RIMS1: variants seen among roughly 807,000 people sequenced by gnomAD.
RIMS1 encodes the protein regulating synaptic membrane exocytosis 1.
In RIMS1, 83 loss-of-function variants were observed where a neutral mutation model predicts 214.1. The ratio of observed to expected loss-of-function variants is 0.39; its 90% CI spans 0.32 to 0.47. The LOEUF is 0.47. Among genes scored for constraint, RIMS1 ranks in the 20% least tolerant of loss-of-function variants. The probability of loss-of-function intolerance (pLI) is 0.99; values close to 1 mark genes in which losing one functional copy is unlikely to be tolerated. For synonymous variants in RIMS1, 793 were observed against 786.8 expected, an observed-to-expected ratio of 1.01 and a Z score of -0.13; for missense variants, 2,050 against 2,161.8, an observed-to-expected ratio of 0.95 and a Z score of 1.03.
At chr6:72,206,499 A>C (rs186070411) in intron 6 of RIMS1, among the ~76,000 whole-genome samples, 92 of 152,088 alleles carry the variant, frequency 6.0e-4, no homozygotes, top group African/African-American at 2.1e-3. Context: ...TGTTTAAATG[A>C]TTTCATTTTT....
chr6:72,048,106 A>T (rs908962621), intron 2 of RIMS1, among the ~76,000 whole-genome samples: 1 of 152,200 alleles, frequency 6.6e-6, no homozygotes, highest in African/African-American at 2.4e-5. Flanking sequence ...GACAGAAGAT[A>T]AACAAAATGC....
chr6:72,067,309 T>G (rs1829557947), intron 2 of RIMS1, among the ~76,000 whole-genome samples: 3 of 152,252 alleles, frequency 2.0e-5, no homozygotes, highest in Admixed American at 6.5e-5. Flanking sequence ...ACGTTGCTCA[T>G]GCTGAGGCTG....
chr6:71,923,700 G>A (rs1029813050), intron 1 of RIMS1, among the ~76,000 whole-genome samples: 19 of 151,950 alleles, frequency 1.3e-4, no homozygotes, highest in Admixed American at 3.9e-4. Flanking sequence ...CCGAGTAGCT[G>A]GGATTACTCA....
intron 4 of RIMS1, among the ~76,000 whole-genome samples, chr6:72,167,455 A>G (rs931163217): frequency 6.6e-6 from 1 of 152,142 alleles, no homozygotes; most frequent in Admixed American, 6.5e-5. Context: ...AAGTGAGTTC[A>G]GAAGCGAATG....
chr6:72,008,262 C>T (rs1222010260), intron 2 of RIMS1, among the ~76,000 whole-genome samples: 7 of 152,176 alleles, frequency 4.6e-5, no homozygotes, highest in South Asian at 4.1e-4. Flanking sequence ...ACTTTACAGA[C>T]AAGCAAATGC....
chr6:72,046,973 T>C (rs2152116515), intron 2 of RIMS1, among the ~76,000 whole-genome samples: 1 of 152,234 alleles, frequency 6.6e-6, no homozygotes, highest in Non-Finnish European at 1.5e-5. Flanking sequence ...GTAAATAATA[T>C]TTATTAAATA....
chr6:72,045,169 CAG>C (rs1315227980), intron 2 of RIMS1, among the ~76,000 whole-genome samples: 1 of 151,748 alleles, frequency 6.6e-6, no homozygotes, highest in East Asian at 1.9e-4. Context: ...GGTCAGAAAA[CAG>C]TGACTCGGGG....
chr6:72,393,908 A>G (rs2098741285), intron 31 of RIMS1, among the ~76,000 whole-genome samples: 2 of 152,068 alleles, frequency 1.3e-5, no homozygotes, highest in South Asian at 4.1e-4. Context: ...CAGTAGGTAC[A>G]TACTCGGCCC....
chr6:72,170,099 A>C (rs2046814419), intron 4 of RIMS1, among the ~76,000 whole-genome samples: 1 of 152,162 alleles, frequency 6.6e-6, no homozygotes, highest in African/African-American at 2.4e-5. Context: ...CCTTGAAACC[A>C]CCAGGTATAA....
chr6:71,894,292 A>G (rs1260483977), intron 1 of RIMS1, among the ~76,000 whole-genome samples: 1 of 152,134 alleles, frequency 6.6e-6, no homozygotes, highest in Non-Finnish European at 1.5e-5. Context: ...TAAAAATACA[A>G]AAAATTAACC....
chr6:72,227,054 G>A (rs1387285942), intron 6 of RIMS1, among the ~76,000 whole-genome samples: 1 of 151,918 alleles, frequency 6.6e-6, no homozygotes, highest in Non-Finnish European at 1.5e-5. Context: ...GGCAGATTTA[G>A]GATTAGTCAC....
rs1277276437 is a variant in RIMS1 at position 71,886,737 on chromosome 6, CG to C, written c.-285del. 1 of 219,448 alleles carries C rather than the reference CG, an allele frequency of 4.6e-6. No homozygotes were observed. The highest frequency in any genetic ancestry group is 8.9e-6 in the Non-Finnish European group (1 of 111,792). 13.6% of individuals were successfully genotyped at this position (219,448 alleles called of 1,614,324 possible). ...CGCGCCTCCGCCTGCCCGCCCCCGC[CG>C]GCCGAGGCTGGGCTGCGGGAGGCGG... On this transcript the variant is annotated 5_prime_UTR_variant, in exon 1 of 34. Coordinates refer to ENST00000521978, the MANE Select transcript of RIMS1 (RefSeq NM_014989.7).
chr6:72,305,130 T>C (rs1024991664), intron 26 of RIMS1, among the ~76,000 whole-genome samples: 6 of 152,178 alleles, frequency 3.9e-5, no homozygotes, highest in Admixed American at 2.6e-4. Flanking sequence ...CAAATAAAGA[T>C]TTAAATGCAG....
chr6:72,069,846 T>G (rs1830181547), intron 2 of RIMS1, among the ~76,000 whole-genome samples: 1 of 152,354 alleles, frequency 6.6e-6, no homozygotes, highest in Admixed American at 6.5e-5. Flanking sequence ...GCATTCTTGG[T>G]TTTGTTTTCT....
chr6:72,020,201 T>C (rs1254267029), intron 2 of RIMS1, among the ~76,000 whole-genome samples: 1 of 152,200 alleles, frequency 6.6e-6, no homozygotes, highest in Non-Finnish European at 1.5e-5. Flanking sequence ...TAATTAATAA[T>C]TGCTACTAAT....
Position 72,251,350 on chromosome 6 carries a change from T to C in RIMS1, c.2680T>C (p.Ser894Pro), listed in dbSNP as rs765767872. 6 of 1,594,878 alleles carry C rather than the reference T, an allele frequency of 3.8e-6. No individual in the cohort carries two copies. Among genetic ancestry groups the C allele is most frequent in the African/African-American group, 1.3e-5 (1 of 74,464 alleles). The change falls in exon 15 of 34, where the codon TCT (serine) becomes CCT (proline). Residue 894 changes from serine (S) to proline (P), a missense_variant. Physicochemically the swap from Ser to Pro is moderately conservative, Grantham distance 74. Transcript: ENST00000521978. ...MPRRHIHGESSSKKLQRSQRI... is the reference protein window; with the variant it reads ...MPRRHIHGESPSKKLQRSQRI... ...AAGGCGACATATTCATGGAGAAAGC[T>C]CTAGCAAAAAGCTACAAAGTAGGTT...
chr6:72,017,766 A>T (rs1486003486), intron 2 of RIMS1, among the ~76,000 whole-genome samples: 2 of 152,348 alleles, frequency 1.3e-5, no homozygotes, highest in East Asian at 3.9e-4. Flanking sequence ...TTGCTGCAAC[A>T]TATTGCAATA....
chr6:72,041,308 T>C (rs143780325), intron 2 of RIMS1, among the ~76,000 whole-genome samples: 249 of 151,934 alleles, frequency 1.6e-3, no homozygotes, highest in African/African-American at 5.7e-3. Context: ...TGCCAACAAA[T>C]TTTGTAGATT....
At chr6:71,967,477 G>A (rs1438495951) in intron 1 of RIMS1, among the ~76,000 whole-genome samples, 1 of 152,184 alleles carries the variant, frequency 6.6e-6, no homozygotes, top group Non-Finnish European at 1.5e-5. Context: ...TTAACTTGCT[G>A]GACATTTTAG....
Sources: allele counts gnomAD v4.1 joint callset (sites outside exome capture counted in the v4.1 genomes callset), GRCh38; gene constraint gnomAD v4.1.1; transcripts MANE v1.5; gene names NCBI Gene and HGNC (gene_info 2026-07-23, HGNC 2026-07-21).